SERINC5: variants seen among roughly 807,000 people sequenced by gnomAD.
The protein encoded by SERINC5 is chromosome 5 open reading frame 12.
In SERINC5, 41 loss-of-function variants were observed where a neutral mutation model predicts 63.1. The ratio of observed to expected loss-of-function variants is 0.65; its 90% CI spans 0.51 to 0.84. The LOEUF is 0.84. SERINC5 is among the 40% of genes least tolerant of loss of function. The pLI, the probability that SERINC5 is intolerant of heterozygous loss-of-function variation, is 0.00. For missense variants in SERINC5, 523 were observed against 573.0 expected, an observed-to-expected ratio of 0.91 and a Z score of 0.89; for synonymous variants, 222 against 215.2, an observed-to-expected ratio of 1.03 and a Z score of -0.28.
In SERINC5 at chr5:80,139,355, TC is replaced by T. The variant is rs1248660524; in HGVS notation, c.*4307del. 1.0e-5 allele frequency: 10 copies of T among 985,216 alleles called. No individual in the cohort carries two copies. The South Asian group carries it at 3.3e-4, about 32-fold the overall frequency. 61.0% of individuals were successfully genotyped at this position (985,216 alleles called of 1,614,324 possible). ...TAAGCTTTCTTTACCTGAGAGAACTTCCCAGGATCCTTTATCCCAAAGGATT... is the reference window on the plus strand; with the variant it reads ...TAAGCTTTCTTTACCTGAGAGAACTTCCAGGATCCTTTATCCCAAAGGATT... On this transcript the variant is annotated 3_prime_UTR_variant, in exon 12 of 12. Coordinates refer to ENST00000507668, the MANE Select transcript of SERINC5 (RefSeq NM_001174072.3).
chr5:80,218,162 GT>G (rs1346325329), intron 1 of SERINC5, among the ~76,000 whole-genome samples: 2 of 152,214 alleles, frequency 1.3e-5, no homozygotes, highest in Admixed American at 6.5e-5. Context: ...GTGTCTCAGA[GT>G]CTAATACATT....
chr5:80,126,006 A>G (rs972529385), intron 11 of SERINC5, among the ~76,000 whole-genome samples: 2 of 152,240 alleles, frequency 1.3e-5, no homozygotes. Context: ...CAGAAAGATG[A>G]GGAGCTCATG....
chr5:80,186,986 T>C (rs1288096198), intron 2 of SERINC5, among the ~76,000 whole-genome samples: 1 of 151,976 alleles, frequency 6.6e-6, no homozygotes, highest in East Asian at 1.9e-4. Context: ...TGAAACTCCA[T>C]CTCTACCAAA....
intron 1 of SERINC5, among the ~76,000 whole-genome samples, chr5:80,224,230 G>C (rs544680250): frequency 7.9e-5 from 12 of 152,160 alleles, no homozygotes; most frequent in African/African-American, 2.9e-4. Context: ...GGAGGCTGAG[G>C]CGAGCAGATG....
intron 2 of SERINC5, among the ~76,000 whole-genome samples, chr5:80,184,486 G>A (rs1048607581): frequency 1.3e-5 from 2 of 152,114 alleles, no homozygotes; most frequent in South Asian, 2.1e-4. Flanking sequence ...TCTGGAATGC[G>A]GCCAGGGCCC....
chr5:80,142,761 A>G lies in SERINC5; in HGVS notation c.*902T>C. On this transcript the variant is annotated 3_prime_UTR_variant, in exon 12 of 12. Coordinates refer to ENST00000507668, the MANE Select transcript of SERINC5 (RefSeq NM_001174072.3). ...AGTGCATGCAGCAGGCTTCAACACG[A>G]AGCAGCTTTTCAGTTAAGGTCCTAA... 4 of 985,466 alleles carry G rather than the reference A, an allele frequency of 4.1e-6. No homozygotes were observed. Among genetic ancestry groups the G allele is most frequent in the Non-Finnish European group, 4.8e-6 (4 of 829,938 alleles). 61.0% of individuals were successfully genotyped at this position (985,466 alleles called of 1,614,324 possible).
rs1345559848 is a variant in SERINC5 at position 80,204,079 on chromosome 5, G to A, written c.28-1026C>T. Among the ~76,000 whole-genome samples, 4 of 152,186 alleles carry A rather than the reference G, an allele frequency of 2.6e-5. 1 individual carries two copies. Among genetic ancestry groups the A allele is most frequent in the African/African-American group, 4.8e-5 (2 of 41,436 alleles). On this transcript the variant is annotated intron_variant, in intron 1 of 11. Transcript: ENST00000507668. ...AACTCCAAGGGAACGATGCTCTGGC[G>A]CTCGGGACCCTTCCGGACAGTGCCC...
At chr5:80,111,738 G>T (rs1412205053) in intron 12 of SERINC5, 1 of 152,144 alleles carries the variant, frequency 6.6e-6, no homozygotes, top group Non-Finnish European at 1.5e-5. Flanking sequence ...ACAAGTTAGG[G>T]TATCACAAGT....
chr5:80,191,022 C>T (rs147569520), intron 2 of SERINC5, among the ~76,000 whole-genome samples: 104 of 152,116 alleles, frequency 6.8e-4, no homozygotes, highest in African/African-American at 2.2e-3. Context: ...CTGCACTAGG[C>T]CCCAGCAGAC....
intron 2 of SERINC5, among the ~76,000 whole-genome samples, chr5:80,201,608 A>G (rs1404188657): frequency 6.6e-6 from 1 of 152,254 alleles, no homozygotes; most frequent in Non-Finnish European, 1.5e-5. Flanking sequence ...CTTAGAACCT[A>G]GGAGACAAAG....
chr5:80,138,206 T>C (rs1018897084), downstream of SERINC5, among the ~76,000 whole-genome samples: 3 of 151,986 alleles, frequency 2.0e-5, no homozygotes, highest in South Asian at 2.1e-4. Flanking sequence ...TTCAGGGTGA[T>C]GTTGGTCAAA....
chr5:80,161,016 G>GTGTA (rs1491123589), intron 7 of SERINC5, among the ~76,000 whole-genome samples: 3 of 144,324 alleles, frequency 2.1e-5, no homozygotes, highest in Non-Finnish European at 4.5e-5. Context: ...GTATATATAC[G>GTGTA]TGTATATATA....
At chr5:80,222,549 G>GATGAGTAT (rs1750955216) in intron 1 of SERINC5, among the ~76,000 whole-genome samples, 6 of 128,340 alleles carry the variant, frequency 4.7e-5, no homozygotes, top group Non-Finnish European at 8.7e-5. Flanking sequence ...GTTTTTTGTG[G>GATGAGTAT]GTGAGTGTGT....
chr5:80,151,495 C>T lies in SERINC5; in HGVS notation c.987-547G>A, dbSNP rs535995041. On this transcript the variant is annotated intron_variant, in intron 8 of 11. Coordinates refer to ENST00000507668, the MANE Select transcript of SERINC5 (RefSeq NM_001174072.3). The stretch of plus-strand genomic sequence containing the variant: ...AAAGGTAAAATGTTAGACAAATTGC[C>T]TTGCATGGGGCAAAATAATTTATTT... Among the ~76,000 whole-genome samples the T allele has an allele frequency of 4.6e-5, 7 of 152,286 alleles. No homozygotes were observed. The South Asian group carries it at 1.5e-3, about 32-fold the overall frequency.
intron 11 of SERINC5, among the ~76,000 whole-genome samples, chr5:80,118,295 A>G (rs1744410540): frequency 6.6e-6 from 1 of 152,210 alleles, no homozygotes; most frequent in Admixed American, 6.5e-5. Flanking sequence ...GTTAACATTT[A>G]CAGTTCTGGA....
intron 1 of SERINC5, among the ~76,000 whole-genome samples, chr5:80,220,578 C>T (rs1319621201): frequency 6.6e-6 from 1 of 152,196 alleles, no homozygotes; most frequent in African/African-American, 2.4e-5. Context: ...CTCACCCCTC[C>T]TTCCTTCCCC....
At chr5:80,222,376 C>T (rs1750943796) in intron 1 of SERINC5, among the ~76,000 whole-genome samples, 1 of 152,062 alleles carries the variant, frequency 6.6e-6, no homozygotes, top group Non-Finnish European at 1.5e-5. Flanking sequence ...CCTGTTATTA[C>T]CTCACATCAT....
chr5:80,237,948 C>CA (rs1262976179), intron 1 of SERINC5, among the ~76,000 whole-genome samples: 4 of 151,394 alleles, frequency 2.6e-5, no homozygotes, highest in African/African-American at 9.7e-5. Context: ...ACTAAAAATA[C>CA]AAAAAATTAG....
At chr5:80,186,756 C>T (rs1748834922) in intron 2 of SERINC5, among the ~76,000 whole-genome samples, 1 of 152,146 alleles carries the variant, frequency 6.6e-6, no homozygotes, top group African/African-American at 2.4e-5. Flanking sequence ...GGCCCAGATG[C>T]TACAAACATA....
Sources: gnomAD v4.1 joint callset for allele counts (sites outside exome capture counted in the v4.1 genomes callset) on GRCh38, gnomAD v4.1.1 for gene constraint, MANE v1.5 for transcripts, NCBI Gene and HGNC (gene_info 2026-07-23, HGNC 2026-07-21) for gene names.